Variants in REG3A observed in about 807,000 individuals in gnomAD.
REG3A encodes the protein regenerating islet-derived protein 3-alpha.
In REG3A, 15 loss-of-function variants were observed where a neutral mutation model predicts 20.5. The observed-to-expected ratio is 0.73, with a 90% CI of 0.49 to 1.12. REG3A has a LOEUF of 1.12. REG3A is among the 50% of genes most tolerant of loss of function. REG3A has a pLI of 0.00. For synonymous variants in REG3A, 93 were observed against 83.2 expected, an observed-to-expected ratio of 1.12 and a Z score of -0.64; for missense variants, 224 against 213.1, an observed-to-expected ratio of 1.05 and a Z score of -0.32.
Position 79,159,264 on chromosome 2 carries a change from C to T in REG3A, c.76+66G>A, listed in dbSNP as rs938337374. 3.3e-4 allele frequency: 498 copies of T among 1,522,872 alleles called. 2 individuals are homozygous for T. The highest frequency in any genetic ancestry group is 3.7e-4 in the Non-Finnish European group (405 of 1,097,842). The allele number at this position is 1,522,872 out of a possible 1,614,324, so 94.3% of individuals were successfully genotyped here. ...CATTACCTCACATGACACACAGGAG[C>T]CTTCCTCCTCTTGTTAGCTCTGAGG... On this transcript the variant is annotated intron_variant, in intron 2 of 5. Transcript: ENST00000305165.
intron 5 of REG3A, 99 bp downstream of exon 5, chr2:79,157,473 A>G (rs550407979): frequency 2.0e-6 from 3 of 1,537,718 alleles, no homozygotes; most frequent in Admixed American, 1.8e-5. Flanking sequence ...ACACACTAAC[A>G]TTGTATTTTC....
intron 5 of REG3A, 38 bp from the exon 6 acceptor site, chr2:79,157,331 G>A: frequency 6.3e-7 from 1 of 1,593,166 alleles, no homozygotes; most frequent in Non-Finnish European, 8.6e-7. Flanking sequence ...TGGGGCTGAG[G>A]AAGCTTGTGA....
In REG3A at chr2:79,157,220, C is replaced by A. The variant is rs1673335146; in HGVS notation, c.*6G>T. On this transcript the variant is annotated 3_prime_UTR_variant, in exon 6 of 6. Coordinates refer to ENST00000305165, the MANE Select transcript of REG3A (RefSeq NM_002580.3). ...CCAAACACAGGCTGCTGACTTCCCTCCTGCACTAGTCAGTGAACTTGCAGA... is the reference window on the plus strand; with the variant it reads ...CCAAACACAGGCTGCTGACTTCCCTACTGCACTAGTCAGTGAACTTGCAGA... 6.2e-7 allele frequency: 1 copy of A among 1,612,664 alleles called. No homozygotes were observed. The highest frequency in any genetic ancestry group is 8.5e-7 in the Non-Finnish European group (1 of 1,178,662).
intron 2 of REG3A, chr2:79,158,997 C>T (rs1050651709): frequency 8.5e-6 from 5 of 585,016 alleles, no homozygotes; most frequent in Non-Finnish European, 1.5e-5. Context: ...TCAATACTCT[C>T]CTCACTCTGG....
intron 2 of REG3A, 58 bp downstream of exon 2, chr2:79,159,272 C>G (rs553272882): frequency 6.4e-7 from 1 of 1,571,100 alleles, no homozygotes; most frequent in South Asian, 1.1e-5. Context: ...AGCCTTCCTC[C>G]TCTTGTTAGC....
At chr2:79,158,816 G>C in intron 2 of REG3A, 47 bp from the exon 3 acceptor site, 1 of 1,482,094 alleles carries the variant, frequency 6.7e-7, no homozygotes, top group Non-Finnish European at 9.4e-7. Flanking sequence ...AGTGGGGCTT[G>C]GGGTGGGAGA....
intron 4 of REG3A, 60 bp from the exon 5 acceptor site, chr2:79,157,758 G>A: frequency 3.2e-6 from 5 of 1,568,072 alleles, no homozygotes; most frequent in Non-Finnish European, 4.3e-6. Context: ...TTCTTGCATG[G>A]CCCCTTAGCT....
At chr2:79,159,166 C>T (rs1673388802) in intron 2 of REG3A, 164 bp downstream of exon 2, 1 of 693,730 alleles carries the variant, frequency 1.4e-6, no homozygotes, top group East Asian at 2.7e-5. Context: ...ACCATGGAGC[C>T]TCCCACTGCA....
Position 79,159,629 on chromosome 2 carries a change from G to T in REG3A, c.-35+99C>A, listed in dbSNP as rs540271676. 3 of 547,326 alleles carry T rather than the reference G, an allele frequency of 5.5e-6. No individual in the cohort carries two copies. The African/African-American group carries it at 5.7e-5, about 10-fold the overall frequency. 33.9% of individuals were successfully genotyped at this position (547,326 alleles called of 1,614,324 possible). ...CAGGACACCCTTGCTGAGTCTCAGA[G>T]TTCCTGTGCTCCCTGAGGAAGGGAC... On this transcript the variant is annotated intron_variant, in intron 1 of 5. Coordinates refer to ENST00000305165, the MANE Select transcript of REG3A (RefSeq NM_002580.3).
chr2:79,158,514 G>C (rs758104356), intron 3 of REG3A, 51 bp from the exon 4 acceptor site: 3 of 1,611,242 alleles, frequency 1.9e-6, no homozygotes, highest in East Asian at 2.2e-5. Flanking sequence ...TGCTGAGGGA[G>C]GGCAGGGCAA....
At position 79,157,685 on chromosome 2, in the gene REG3A, T is replaced by C. The variant is rs758852073; in HGVS notation, c.347A>G (p.Asn116Ser). The C allele has an allele frequency of 2.4e-5, 39 of 1,613,906 alleles. No individual in the cohort carries two copies. The highest frequency in any genetic ancestry group is 5.3e-5 in the African/African-American group (4 of 74,932). The change falls in exon 5 of 6, where the codon AAT becomes AGT. Residue 116 changes from asparagine to serine, a missense_variant. Coordinates refer to ENST00000305165, the MANE Select transcript of REG3A (RefSeq NM_002580.3). ...GCTACTCCACTCCCAACCTTCTCCATTGGGCTCGGTGCCCTGTAGAGTAGA... is the reference window on the plus strand; with the variant it reads ...GCTACTCCACTCCCAACCTTCTCCACTGGGCTCGGTGCCCTGTAGAGTAGA... ...LHDPTQGTEP[N>S]GEGWEWSSSD...
intron 4 of REG3A, among the ~76,000 whole-genome samples, 169 bp from the exon 5 acceptor site, chr2:79,157,867 G>A (rs1002337856): frequency 6.6e-6 from 1 of 152,064 alleles, no homozygotes; most frequent in Non-Finnish European, 1.5e-5. Context: ...CATTGCTATT[G>A]GAAAATTCCA....
chr2:79,157,322 G>C (rs982630767), intron 5 of REG3A, 29 bp from the exon 6 acceptor site: 5 of 1,602,806 alleles, frequency 3.1e-6, no homozygotes, highest in Non-Finnish European at 4.3e-6. Context: ...TAAATGGAAT[G>C]GGGCTGAGGA....
chr2:79,157,816 C>T (rs1486549166), intron 4 of REG3A, 118 bp from the exon 5 acceptor site: 2 of 1,301,924 alleles, frequency 1.5e-6, no homozygotes. Context: ...GTCTGCTATT[C>T]CAGATGCTGC....
chr2:79,157,912 G>T (rs1673352119), intron 4 of REG3A, among the ~76,000 whole-genome samples: 1 of 152,122 alleles, frequency 6.6e-6, no homozygotes, highest in African/African-American at 2.4e-5. Flanking sequence ...ACAACTCAAG[G>T]TAATATATTA....
In REG3A at chr2:79,157,693, G is replaced by A. The variant is rs143057391; in HGVS notation, c.339C>T (p.Thr113=). 2.0e-5 allele frequency: 32 copies of A among 1,613,674 alleles called. No homozygotes were observed. Among genetic ancestry groups the A allele is most frequent in the African/African-American group, 6.7e-5 (5 of 74,910 alleles). The part of the protein sequence containing the change: ...WIGLHDPTQG[T]EPNGEGWEWS... Reference sequence around the variant, plus strand: ...ACTCCCAACCTTCTCCATTGGGCTCGGTGCCCTGTAGAGTAGAGGAGGTAG... The same window carrying A: ...ACTCCCAACCTTCTCCATTGGGCTCAGTGCCCTGTAGAGTAGAGGAGGTAG... Residue 113 remains threonine, a synonymous_variant, in exon 5 of 6, where the codon ACC becomes ACT. Coordinates refer to ENST00000305165, the MANE Select transcript of REG3A (RefSeq NM_002580.3).
Position 79,157,687 on chromosome 2 carries a change from G to A in REG3A, c.345C>T (p.Pro115=), listed in dbSNP as rs146689461. ...TACTCCACTCCCAACCTTCTCCATT[G>A]GGCTCGGTGCCCTGTAGAGTAGAGG... ...GLHDPTQGTE[P]NGEGWEWSSS... Residue 115 remains proline (P), a synonymous_variant, in exon 5 of 6, where the codon CCC becomes CCT. Transcript: ENST00000305165. 2.5e-5 allele frequency: 41 copies of A among 1,613,852 alleles called. No homozygotes were observed. Among genetic ancestry groups the A allele is most frequent in the Non-Finnish European group, 3.4e-5 (40 of 1,179,910 alleles).
rs769616623 is a variant in REG3A at position 79,159,423 on chromosome 2, G to A, written c.-18C>T. ...GGCAGCATAGTGTCTGCGACTTGAG[G>A]AGGCAATCAGGAGTCACTAAAGAAA... On this transcript the variant is annotated 5_prime_UTR_variant, in exon 2 of 6. Coordinates refer to ENST00000305165, the MANE Select transcript of REG3A (RefSeq NM_002580.3). 6.2e-7 allele frequency: 1 copy of A among 1,613,298 alleles called. No homozygotes were observed. The highest frequency in any genetic ancestry group is 8.5e-7 in the Non-Finnish European group (1 of 1,179,456).
In REG3A at chr2:79,157,225, A is replaced by C; in HGVS notation, c.*1T>G. The C allele has an allele frequency of 1.2e-6, 2 of 1,613,258 alleles. No individual in the cohort carries two copies. Among genetic ancestry groups the C allele is most frequent in the South Asian group, 1.1e-5 (1 of 91,076 alleles). Reference sequence around the variant, plus strand: ...CACAGGCTGCTGACTTCCCTCCTGCACTAGTCAGTGAACTTGCAGACATAG... The same window carrying C: ...CACAGGCTGCTGACTTCCCTCCTGCCCTAGTCAGTGAACTTGCAGACATAG... On this transcript the variant is annotated 3_prime_UTR_variant, in exon 6 of 6. Coordinates refer to ENST00000305165, the MANE Select transcript of REG3A (RefSeq NM_002580.3).
Sources: gnomAD v4.1 joint callset for allele counts (sites outside exome capture counted in the v4.1 genomes callset) on GRCh38, gnomAD v4.1.1 for gene constraint, MANE v1.5 for transcripts, NCBI Gene and HGNC (gene_info 2026-07-23, HGNC 2026-07-21) for gene names.